VRK2: variants seen among roughly 807,000 people sequenced by gnomAD.
VRK2 encodes the protein serine/threonine-protein kinase VRK2.
Under a neutral mutation model 57.6 loss-of-function variants are expected in VRK2, and 60 were observed. The observed-to-expected ratio is 1.04, with a 90% CI of 0.85 to 1.29. VRK2 has a LOEUF of 1.29. Among genes scored for constraint, VRK2 ranks in the 50% most tolerant of loss-of-function variants. The pLI, the probability that VRK2 is intolerant of heterozygous loss-of-function variation, is 0.00. For missense variants in VRK2, 705 were observed against 588.1 expected (o/e 1.20, Z -2.06); for synonymous variants, 231 against 199.2 (o/e 1.16, Z -1.35).
intron 7 of VRK2, among the ~76,000 whole-genome samples, chr2:58,105,721 C>T (rs1173603625): frequency 6.6e-6 from 1 of 151,520 alleles, no homozygotes; most frequent in Admixed American, 6.6e-5. Flanking sequence ...AATGAATTAA[C>T]AGGTGCCCTT....
chr2:57,977,198 TTTTG>T (rs1161067889), intron 1 of VRK2, among the ~76,000 whole-genome samples: 4 of 152,252 alleles, frequency 2.6e-5, no homozygotes, highest in South Asian at 2.1e-4. Flanking sequence ...CTATTTAGGA[TTTTG>T]TTTGTTTGTT....
intron 1 of VRK2, among the ~76,000 whole-genome samples, chr2:57,970,929 T>G (rs1672076869): frequency 6.6e-6 from 1 of 152,054 alleles, no homozygotes; most frequent in Non-Finnish European, 1.5e-5. Context: ...TTTTTGTTTT[T>G]CTTGCTATTT....
At chr2:57,914,526 T>C (rs886731169) in intron 1 of VRK2, among the ~76,000 whole-genome samples, 1 of 152,066 alleles carries the variant, frequency 6.6e-6, no homozygotes, top group Non-Finnish European at 1.5e-5. Context: ...TATGAGTCTT[T>C]TGTAAAGGTA....
chr2:58,126,405 GGA>G (rs1358695807), intron 8 of VRK2, among the ~76,000 whole-genome samples: 16 of 152,050 alleles, frequency 1.1e-4, no homozygotes, highest in African/African-American at 3.6e-4. Flanking sequence ...TTATAATGAA[GGA>G]ACTTGTATAA....
chr2:58,143,211 A>C (rs1384063275), intron 11 of VRK2, among the ~76,000 whole-genome samples: 1 of 151,966 alleles, frequency 6.6e-6, no homozygotes, highest in Admixed American at 6.6e-5. Flanking sequence ...TTGGTTTATT[A>C]ATTTTTAGGA....
At chr2:58,123,834 G>A (rs1244889279) in intron 8 of VRK2, among the ~76,000 whole-genome samples, 5 of 150,962 alleles carry the variant, frequency 3.3e-5, no homozygotes, top group African/African-American at 7.3e-5. Flanking sequence ...CAACCTGGGC[G>A]ACAGAGCAAG....
intron 6 of VRK2, 32 bp downstream of exon 6, chr2:58,088,478 C>T: frequency 6.8e-7 from 1 of 1,465,402 alleles, no homozygotes; most frequent in Non-Finnish European, 9.5e-7. Flanking sequence ...TGCTCCATTT[C>T]CAAATTGTTT....
chr2:58,112,674 C>T (rs1287893064), intron 7 of VRK2, among the ~76,000 whole-genome samples: 1 of 151,852 alleles, frequency 6.6e-6, no homozygotes, highest in Non-Finnish European at 1.5e-5. Context: ...GGCTTAAATA[C>T]CCTCTTCATA....
chr2:57,979,127 C>T (rs1219404232), intron 1 of VRK2, among the ~76,000 whole-genome samples: 1 of 151,042 alleles, frequency 6.6e-6, no homozygotes, highest in Non-Finnish European at 1.5e-5. Flanking sequence ...AATAAACATA[C>T]GTGTGCATGT....
intron 1 of VRK2, among the ~76,000 whole-genome samples, chr2:58,009,458 G>A (rs1352886585): frequency 6.6e-6 from 1 of 150,662 alleles, no homozygotes; most frequent in African/African-American, 2.4e-5. Flanking sequence ...AGTGCAATCT[G>A]TATAGTAAAT....
At chr2:58,147,200 A>T (rs182318239) in intron 12 of VRK2, 2 of 517,884 alleles carry the variant, frequency 3.9e-6, no homozygotes, top group African/African-American at 3.9e-5. Context: ...CTGAGCACTG[A>T]ATTTGGCTCT....
intron 2 of VRK2, among the ~76,000 whole-genome samples, chr2:58,030,062 T>G (rs1418857860): frequency 1.3e-5 from 2 of 152,118 alleles, no homozygotes; most frequent in Non-Finnish European, 2.9e-5. Context: ...GTCTCAGGCA[T>G]GATGCCTGTC....
At chr2:57,942,995 AT>A (rs1282493399) in intron 1 of VRK2, among the ~76,000 whole-genome samples, 3 of 152,228 alleles carry the variant, frequency 2.0e-5, no homozygotes, top group Non-Finnish European at 4.4e-5. Flanking sequence ...AAAATATCAA[AT>A]TCACTTTTCA....
At chr2:57,922,333 TTTAA>T (rs1160781854) in intron 1 of VRK2, among the ~76,000 whole-genome samples, 16 of 151,870 alleles carry the variant, frequency 1.1e-4, no homozygotes, top group African/African-American at 2.9e-4. Flanking sequence ...TTTAGTGGGG[TTTAA>T]TTGAGAAAAA....
intron 1 of VRK2, among the ~76,000 whole-genome samples, chr2:57,933,149 T>C (rs1047971984): frequency 6.6e-6 from 1 of 152,056 alleles, no homozygotes; most frequent in African/African-American, 2.4e-5. Context: ...TATTCTGCTG[T>C]GTTTGGATGA....
chr2:58,131,976 G>GA (rs1482152130), intron 9 of VRK2, 48 bp downstream of exon 9: 13 of 1,606,670 alleles, frequency 8.1e-6, no homozygotes, highest in Non-Finnish European at 1.1e-5. Context: ...GGTCTGAAGG[G>GA]ATACATTAAA....
intron 1 of VRK2, among the ~76,000 whole-genome samples, chr2:58,008,518 C>T (rs181304801): frequency 1.1e-3 from 158 of 148,338 alleles, no homozygotes; most frequent in Admixed American, 3.8e-3. Context: ...GGTTAACAAA[C>T]GTGAAGGAAG....
rs181329867 is a variant in VRK2 at position 58,057,247 on chromosome 2, T to C, written c.136+8280T>C. On this transcript the variant is annotated intron_variant, in intron 2 of 12. Coordinates refer to ENST00000340157, the MANE Select transcript of VRK2 (RefSeq NM_006296.7). ...AATAGGTTGTATGAGACAAAAAAAT[T>C]CCATGCTCTATCCTATATGTGACCT... 3.1e-4 allele frequency among the ~76,000 whole-genome samples: 47 copies of C among 152,282 alleles called. 3 individuals are homozygous for C. In the East Asian group the frequency reaches 3.5e-3, roughly 11 times the overall value.
intron 2 of VRK2, among the ~76,000 whole-genome samples, chr2:58,067,972 C>T (rs573446912): frequency 5.3e-5 from 8 of 151,618 alleles, no homozygotes; most frequent in Non-Finnish European, 1.0e-4. Flanking sequence ...CTTTGTCACC[C>T]AGCCTGGAGT....
Sources: gnomAD v4.1 joint callset for allele counts (sites outside exome capture counted in the v4.1 genomes callset) on GRCh38, gnomAD v4.1.1 for gene constraint, MANE v1.5 for transcripts, NCBI Gene and HGNC (gene_info 2026-07-23, HGNC 2026-07-21) for gene names.